The following ZDHHC11 variants were observed in gnomAD, a reference collection of about 807,000 sequenced individuals.
The protein encoded by ZDHHC11 is palmitoyltransferase ZDHHC11.
In ZDHHC11, 44 loss-of-function variants were observed where a neutral mutation model predicts 51.3. That is an observed-to-expected ratio of 0.86 (90% CI 0.67 to 1.10). The LOEUF (loss-of-function observed/expected upper bound fraction) is 1.10. Among genes scored for constraint, ZDHHC11 ranks in the 50% least tolerant of loss-of-function variants. The probability of loss-of-function intolerance (pLI) is 0.00; values close to 1 mark genes in which losing one functional copy is unlikely to be tolerated. For synonymous variants in ZDHHC11, 163 were observed against 222.0 expected (o/e 0.73, Z 2.36); for missense variants, 400 against 537.7 (o/e 0.74, Z 2.53).
At chr5:803,178 C>G (rs1738736193) in intron 11 of ZDHHC11, among the ~76,000 whole-genome samples, 1 of 151,286 alleles carries the variant, frequency 6.6e-6, no homozygotes, top group African/African-American at 2.4e-5. Flanking sequence ...GCATCAGGAA[C>G]CTTGTCCTCA....
intron 7 of ZDHHC11, among the ~76,000 whole-genome samples, chr5:829,753 G>A (rs1742832605): frequency 6.6e-6 from 1 of 151,412 alleles, no homozygotes; most frequent in Admixed American, 6.6e-5. Flanking sequence ...AAATACTAGC[G>A]AACCGAATCA....
intron 7 of ZDHHC11, among the ~76,000 whole-genome samples, chr5:827,957 C>T (rs1222466997): frequency 6.6e-6 from 1 of 150,990 alleles, no homozygotes; most frequent in East Asian, 1.9e-4. Context: ...GAGCATGCTG[C>T]CTTCAAGCAT....
upstream of ZDHHC11, among the ~76,000 whole-genome samples, chr5:853,217 C>A (rs529085849): frequency 7.9e-6 from 1 of 126,932 alleles, no homozygotes; most frequent in African/African-American, 3.1e-5. Context: ...CAGAGGACAG[C>A]GAGCCGGGGG....
At chr5:846,104 G>T (rs1477594377) in intron 3 of ZDHHC11, among the ~76,000 whole-genome samples, 2 of 150,440 alleles carry the variant, frequency 1.3e-5, no homozygotes, top group Non-Finnish European at 3.0e-5. Flanking sequence ...TTCTCCAGGG[G>T]AGGAGGCCGG....
At chr5:833,337 C>T (rs1437470622) in intron 7 of ZDHHC11, among the ~76,000 whole-genome samples, 2 of 150,236 alleles carry the variant, frequency 1.3e-5, no homozygotes, top group African/African-American at 2.4e-5. Flanking sequence ...GGTGGGGCTC[C>T]GGGTCAAGGC....
chr5:841,008 G>T, intron 4 of ZDHHC11: 1 of 1,252,144 alleles, frequency 8.0e-7, no homozygotes, highest in South Asian at 1.8e-5. Context: ...CGGGGTCACA[G>T]CGCCCACCCC....
At chr5:802,688 G>A (rs892764521) in intron 11 of ZDHHC11, among the ~76,000 whole-genome samples, 9 of 149,974 alleles carry the variant, frequency 6.0e-5, no homozygotes, top group Non-Finnish European at 1.2e-4. Context: ...GAAAGGAGAA[G>A]CTGGGCTGGG....
At chr5:807,830 A>ACGGT (rs1739482542) in intron 11 of ZDHHC11, among the ~76,000 whole-genome samples, 1 of 151,288 alleles carries the variant, frequency 6.6e-6, no homozygotes, top group Admixed American at 6.6e-5. Context: ...AATGCAGGTT[A>ACGGT]CGGTGCCAAT....
chr5:835,892 G>T (rs775208033), intron 6 of ZDHHC11, among the ~76,000 whole-genome samples: 1 of 151,510 alleles, frequency 6.6e-6, no homozygotes, highest in East Asian at 1.9e-4. Context: ...CATTGCTGGT[G>T]GATAGAGATG....
In ZDHHC11 at chr5:820,532, G is replaced by A. The variant is rs531788403; in HGVS notation, c.1059-920C>T. 9.3e-5 allele frequency among the ~76,000 whole-genome samples: 14 copies of A among 151,318 alleles called. 1 individual carries two copies. The highest frequency in any genetic ancestry group is 1.8e-4 in the Non-Finnish European group (12 of 67,682). On this transcript the variant is annotated intron_variant, in intron 9 of 12. Transcript: ENST00000283441. ...GTCTCTTCTGCCCAGGAAGCTGTGG[G>A]CTGAGCCCCTGCCGGTGTCTGTGAG... is the stretch of plus-strand genomic sequence containing the variant.
intron 1 of ZDHHC11, among the ~76,000 whole-genome samples, chr5:858,854 T>A (rs1748636756): frequency 6.6e-6 from 1 of 151,946 alleles, no homozygotes; most frequent in African/African-American, 2.4e-5. Flanking sequence ...CATGGGAAAG[T>A]AAGGCCCCAC....
rs1740560185 is a variant in ZDHHC11 at position 814,803 on chromosome 5, G to A, written c.1147-8C>T. 7 of 1,539,292 alleles carry A rather than the reference G, an allele frequency of 4.5e-6. 1 individual carries two copies. Among genetic ancestry groups the A allele is most frequent in the African/African-American group, 4.2e-5 (3 of 72,128 alleles). On this transcript the variant is annotated splice_region_variant and splice_polypyrimidine_tract_variant and intron_variant, in intron 10 of 12. Transcript: ENST00000283441. ...CGGGGCATCATCTGCTTCCTGTGGG[G>A]GGAAGGGATGCAAAATTCATAGGAT...
intron 5 of ZDHHC11, chr5:839,627 C>G (rs1224726393): frequency 1.3e-5 from 2 of 149,514 alleles, no homozygotes; most frequent in African/African-American, 4.9e-5. Flanking sequence ...AACAAGGAGG[C>G]TCTTGGTGGG....
chr5:821,678 C>T (rs1451294874), intron 9 of ZDHHC11, among the ~76,000 whole-genome samples, 183 bp downstream of exon 9: 1 of 151,404 alleles, frequency 6.6e-6, no homozygotes, highest in Non-Finnish European at 1.5e-5. Flanking sequence ...AAGCCGCAGG[C>T]TGCTGTGATT....
Position 819,775 on chromosome 5 carries a change from G to A in ZDHHC11, c.1059-163C>T, listed in dbSNP as rs1160982862. On this transcript the variant is annotated intron_variant, in intron 9 of 12. Coordinates refer to ENST00000283441, the MANE Select transcript of ZDHHC11 (RefSeq NM_024786.3). ...CCGGGAGGTTGTGTGAGTGCTCCCG[G>A]GTTACTGCACAGTGGGAAACAGAAG... Among the ~76,000 whole-genome samples the A allele has an allele frequency of 7.9e-5, 12 of 151,256 alleles. 2 individuals carry two copies. The South Asian group carries it at 1.0e-3, about 13-fold the overall frequency.
intron 7 of ZDHHC11, among the ~76,000 whole-genome samples, chr5:831,484 G>T (rs1279373183): frequency 1.3e-5 from 2 of 149,038 alleles, no homozygotes; most frequent in Non-Finnish European, 3.0e-5. Context: ...TTGGGAGCCT[G>T]ATGCAGGATA....
At position 819,614 on chromosome 5, in the gene ZDHHC11, T is replaced by C. The variant is rs1741303108; in HGVS notation, c.1059-2A>G. On this transcript the variant is annotated splice_acceptor_variant, in intron 9 of 12. Transcript: ENST00000283441. LOFTEE classifies it high-confidence loss of function. ...AGCCGGGAGTTCCTGGCCTTGGCTCTGGTGGGGCAAACAGAAGGAAAGAAA... is the reference window on the plus strand; with the variant it reads ...AGCCGGGAGTTCCTGGCCTTGGCTCCGGTGGGGCAAACAGAAGGAAAGAAA... 6.2e-7 allele frequency: 1 copy of C among 1,608,824 alleles called. No individual in the cohort carries two copies. The highest frequency in any genetic ancestry group is 8.5e-7 in the Non-Finnish European group (1 of 1,176,000).
rs1428383763 is a variant in ZDHHC11, at chr5:802,879, A to T, written c.1182-1715T>A. 2.7e-4 allele frequency among the ~76,000 whole-genome samples: 27 copies of T among 100,520 alleles called. 1 individual carries two copies. Among genetic ancestry groups the T allele is most frequent in the Admixed American group, 6.6e-4 (5 of 7,524 alleles). 65.9% of individuals were successfully genotyped at this position (100,520 alleles called of 152,430 possible). A position where few individuals can be genotyped will look rare whatever the true frequency, so the allele number is the denominator to read the frequency against. ...AAAAAAAAAAAAAAAAAAAAAGCTA[A>T]ATGTGGTGGTTAGTGCCTGTAGTCC... On this transcript the variant is annotated intron_variant, in intron 11 of 12. Coordinates refer to ENST00000283441, the MANE Select transcript of ZDHHC11 (RefSeq NM_024786.3).
At chr5:821,733 C>T in intron 9 of ZDHHC11, 128 bp downstream of exon 9, 2 of 951,376 alleles carry the variant, frequency 2.1e-6, no homozygotes, top group East Asian at 2.6e-5. Context: ...AAAGTGCCAC[C>T]TCCTGGCACT....
Sources: gnomAD v4.1 joint callset for allele counts (sites outside exome capture counted in the v4.1 genomes callset) on GRCh38, gnomAD v4.1.1 for gene constraint, MANE v1.5 for transcripts, NCBI Gene and HGNC (gene_info 2026-07-23, HGNC 2026-07-21) for gene names.